The following BLOC1S5 variants were observed in gnomAD, a reference collection of about 807,000 sequenced individuals.
BLOC1S5 encodes biogenesis of lysosomal organelles complex 1 subunit 5.
BLOC1S5 carries 27 observed loss-of-function variants against 24.3 expected under a neutral mutation model. The observed-to-expected ratio is 1.11, with a 90% CI of 0.82 to 1.53. The LOEUF is 1.53. Ranked by LOEUF, BLOC1S5 falls within the 40% of genes most tolerant of loss-of-function variation. BLOC1S5 has a pLI of 0.00. For synonymous variants in BLOC1S5, 84 were observed against 74.5 expected (o/e 1.13, Z -0.66); for missense variants, 239 against 229.4 (o/e 1.04, Z -0.27).
intron 3 of BLOC1S5, chr6:8,027,163 T>G (rs574346474): frequency 7.8e-5 from 25 of 322,518 alleles, no homozygotes; most frequent in South Asian, 5.1e-4. Context: ...TTTAAACCTT[T>G]TCACCGCCAG....
intron 2 of BLOC1S5, among the ~76,000 whole-genome samples, chr6:8,060,853 C>G (rs888669976): frequency 2.0e-5 from 3 of 152,062 alleles, no homozygotes; most frequent in Non-Finnish European, 4.4e-5. Flanking sequence ...GAGACAGAGT[C>G]TTGCTCCATC....
intron 3 of BLOC1S5, 83 bp downstream of exon 3, chr6:8,041,056 C>T: frequency 6.9e-7 from 1 of 1,441,852 alleles, no homozygotes; most frequent in Non-Finnish European, 9.3e-7. Flanking sequence ...CTCTCCACCT[C>T]CCCCCATAAT....
intron 2 of BLOC1S5, among the ~76,000 whole-genome samples, chr6:8,061,080 G>A (rs1238232194): frequency 3.3e-5 from 5 of 151,916 alleles, no homozygotes; most frequent in Admixed American, 6.6e-5. Flanking sequence ...TGCCCACCTC[G>A]GCCTCCCAAA....
At chr6:8,064,211 G>T in intron 1 of BLOC1S5, 54 bp downstream of exon 1, 1 of 1,468,590 alleles carries the variant, frequency 6.8e-7, no homozygotes, top group Non-Finnish European at 9.2e-7. Context: ...GCGCCGCCTG[G>T]GAGATGAGGC....
chr6:8,022,805 C>T (rs1262302202), intron 4 of BLOC1S5, among the ~76,000 whole-genome samples: 2 of 140,700 alleles, frequency 1.4e-5, no homozygotes, highest in Non-Finnish European at 1.5e-5. Context: ...GGGATGGTCT[C>T]GATCTCCTGA....
At chr6:8,043,367 C>T (rs1056454654) in intron 2 of BLOC1S5, among the ~76,000 whole-genome samples, 4 of 152,094 alleles carry the variant, frequency 2.6e-5, no homozygotes, top group African/African-American at 9.7e-5. Flanking sequence ...TCAGTGGTAT[C>T]GTGTTGATAG....
intron 2 of BLOC1S5, among the ~76,000 whole-genome samples, chr6:8,047,199 C>CAG (rs1554139727): frequency 0.016 from 1,828 of 112,570 alleles, 39 homozygotes; most frequent in East Asian, 0.057. Flanking sequence ...CACACACACA[C>CAG]AGTCAACAGT....
At chr6:8,042,760 C>A (rs1466564881) in intron 2 of BLOC1S5, among the ~76,000 whole-genome samples, 1 of 152,220 alleles carries the variant, frequency 6.6e-6, no homozygotes, top group Non-Finnish European at 1.5e-5. Flanking sequence ...CTGGTTTACA[C>A]AAACAATGTG....
At chr6:8,035,532 G>A (rs77635006) in intron 3 of BLOC1S5, among the ~76,000 whole-genome samples, 5,953 of 151,958 alleles carry the variant, frequency 0.039, 369 homozygotes, top group African/African-American at 0.13. Flanking sequence ...ACATTTCCAC[G>A]CAACCAGAAA....
intron 2 of BLOC1S5, 128 bp downstream of exon 2, chr6:8,062,406 T>G (rs1237613617): frequency 1.6e-6 from 1 of 629,290 alleles, no homozygotes; most frequent in Non-Finnish European, 2.7e-6. Context: ...GTCTTCATCA[T>G]TTTTACTTTG....
intron 4 of BLOC1S5, chr6:8,018,025 G>A (rs1204256549): frequency 6.6e-6 from 1 of 152,158 alleles, no homozygotes; most frequent in African/African-American, 2.4e-5. Context: ...GAAAATTCTT[G>A]GTCGAACATT....
chr6:8,051,024 C>A (rs1421865609), intron 2 of BLOC1S5, among the ~76,000 whole-genome samples: 2 of 151,732 alleles, frequency 1.3e-5, no homozygotes, highest in South Asian at 2.1e-4. Context: ...CCTGTCTCTA[C>A]TAAAAATACA....
At chr6:8,021,097 A>G (rs1323852978) in intron 4 of BLOC1S5, among the ~76,000 whole-genome samples, 2 of 152,226 alleles carry the variant, frequency 1.3e-5, no homozygotes, top group Non-Finnish European at 2.9e-5. Context: ...GACACATGCT[A>G]CGGCATGGAC....
intron 2 of BLOC1S5, among the ~76,000 whole-genome samples, chr6:8,056,854 C>T (rs62395793): frequency 4.6e-4 from 70 of 152,290 alleles, no homozygotes; most frequent in Non-Finnish European, 7.9e-4. Flanking sequence ...AGCAGGCAAA[C>T]GGGTAGTTAC....
At chr6:8,021,619 A>C (rs534322126) in intron 4 of BLOC1S5, among the ~76,000 whole-genome samples, 1 of 152,022 alleles carries the variant, frequency 6.6e-6, no homozygotes, top group South Asian at 2.1e-4. Context: ...GTAATAAATA[A>C]ATTTAGAAAA....
chr6:8,064,305 G>C lies in BLOC1S5; in HGVS notation c.72C>G (p.Asp24Glu). ...AAPGGGSKKR[D>E]SLGTAGSAHL... is the part of the protein sequence containing the mutation. Reference sequence around the variant, plus strand: ...GCGCTGAGCCCGCAGTCCCCAGGGAGTCCCTCTTCTTGCTGCCACCGCCCG... The same window carrying C: ...GCGCTGAGCCCGCAGTCCCCAGGGACTCCCTCTTCTTGCTGCCACCGCCCG... Residue 24 changes from aspartate (D) to glutamate (E), a missense_variant, in exon 1 of 5, where the codon GAC (aspartate) becomes GAG (glutamate). Physicochemically the swap from Asp to Glu is conservative, Grantham distance 45. Transcript: ENST00000397457. 1.2e-6 allele frequency: 2 copies of C among 1,613,810 alleles called. No homozygotes were observed. The highest frequency in any genetic ancestry group is 1.3e-5 in the African/African-American group (1 of 75,056).
At chr6:8,016,241 G>T (rs927805289) in intron 4 of BLOC1S5, among the ~76,000 whole-genome samples, 1 of 151,902 alleles carries the variant, frequency 6.6e-6, no homozygotes, top group Non-Finnish European at 1.5e-5. Flanking sequence ...TGGAAGAATC[G>T]CCTGAACCCA....
Position 8,062,318 on chromosome 6 carries a change from AC to A in BLOC1S5, c.195+215del, listed in dbSNP as rs199782106. Among the ~76,000 whole-genome samples, 251 of 152,260 alleles carry A rather than the reference AC, an allele frequency of 1.6e-3. 3 individuals are homozygous for A. In the East Asian group the frequency reaches 0.041, roughly 25 times the overall value. On this transcript the variant is annotated intron_variant, in intron 2 of 4. Transcript: ENST00000397457. ...AACCTCAGATCAACAGACATTAAATACCCTAGAGCAGGCACCAGAACTTATG... is the reference window on the plus strand; with the variant it reads ...AACCTCAGATCAACAGACATTAAATACCTAGAGCAGGCACCAGAACTTATG...
At chr6:8,026,260 T>A in intron 4 of BLOC1S5, 107 bp downstream of exon 4, 1 of 847,628 alleles carries the variant, frequency 1.2e-6, no homozygotes, top group Non-Finnish European at 1.9e-6. Flanking sequence ...TTTTAAAATA[T>A]GTAAAACTCA....
Sources: gnomAD v4.1 joint callset for allele counts (sites outside exome capture counted in the v4.1 genomes callset) on GRCh38, gnomAD v4.1.1 for gene constraint, MANE v1.5 for transcripts, NCBI Gene and HGNC (gene_info 2026-07-23, HGNC 2026-07-21) for gene names.